Variants in EDIL3 observed in about 807,000 individuals in gnomAD.
The protein encoded by EDIL3 is EGF-like repeat and discoidin I-like domain-containing protein 3.
EDIL3 carries 37 observed loss-of-function variants against 67.4 expected under a neutral mutation model. That is an observed-to-expected ratio of 0.55 (90% CI 0.42 to 0.72). The LOEUF (loss-of-function observed/expected upper bound fraction) is 0.72. Ranked by LOEUF, EDIL3 falls within the 30% of genes least tolerant of loss-of-function variation. EDIL3 has a pLI of 0.00. For synonymous variants in EDIL3, 195 were observed against 196.3 expected, an observed-to-expected ratio of 0.99 and a Z score of 0.05; for missense variants, 527 against 586.3, an observed-to-expected ratio of 0.90 and a Z score of 1.04.
chr5:84,178,869 G>T (rs528402477), intron 4 of EDIL3, among the ~76,000 whole-genome samples: 1 of 152,210 alleles, frequency 6.6e-6, no homozygotes, highest in Non-Finnish European at 1.5e-5. Flanking sequence ...ATCTTGTTGT[G>T]GGGGTGGTCA....
intron 9 of EDIL3, among the ~76,000 whole-genome samples, chr5:83,985,526 T>C (rs1005056089): frequency 2.9e-4 from 44 of 152,228 alleles, no homozygotes; most frequent in Admixed American, 5.2e-4. Flanking sequence ...GCTGTTTGTA[T>C]ACTAGAGTAA....
intron 4 of EDIL3, among the ~76,000 whole-genome samples, chr5:84,178,166 G>T (rs1037658146): frequency 6.6e-6 from 1 of 152,010 alleles, no homozygotes; most frequent in African/African-American, 2.4e-5. Context: ...ATCACTTTTG[G>T]CTATTCAAAG....
At chr5:84,122,048 G>A (rs1315009062) in intron 5 of EDIL3, among the ~76,000 whole-genome samples, 4 of 151,918 alleles carry the variant, frequency 2.6e-5, no homozygotes, top group African/African-American at 7.2e-5. Context: ...TCTCCCTCTA[G>A]GATGGTTCTC....
chr5:84,355,705 G>A (rs1254200415), intron 1 of EDIL3, among the ~76,000 whole-genome samples: 1 of 152,142 alleles, frequency 6.6e-6, no homozygotes, highest in Non-Finnish European at 1.5e-5. Context: ...GAGCTTTCCT[G>A]TATGAGGTGT....
chr5:83,956,305 TG>T, intron 10 of EDIL3, among the ~76,000 whole-genome samples: 1 of 151,704 alleles, frequency 6.6e-6, no homozygotes, highest in Non-Finnish European at 1.5e-5. Context: ...AACATGGAAA[TG>T]GAAGCATAAT....
chr5:84,068,103 G>C (rs1746675138), intron 6 of EDIL3, among the ~76,000 whole-genome samples: 1 of 152,138 alleles, frequency 6.6e-6, no homozygotes. Context: ...GTCCTTTAAA[G>C]ATTGATTTTG....
intron 3 of EDIL3, among the ~76,000 whole-genome samples, chr5:84,194,896 C>A (rs1280732260): frequency 6.6e-6 from 1 of 151,826 alleles, no homozygotes; most frequent in Non-Finnish European, 1.5e-5. Context: ...CATTTTAGAT[C>A]CCCTCAGTTT....
chr5:84,208,074 G>C (rs934291014), intron 3 of EDIL3, among the ~76,000 whole-genome samples: 2 of 151,530 alleles, frequency 1.3e-5, no homozygotes, highest in African/African-American at 4.8e-5. Flanking sequence ...AAGAGCTTCT[G>C]CACAGCAAAA....
chr5:84,024,235 T>C (rs370331616), intron 9 of EDIL3, among the ~76,000 whole-genome samples: 2 of 152,316 alleles, frequency 1.3e-5, no homozygotes, highest in Admixed American at 6.5e-5. Flanking sequence ...AAATATTCTT[T>C]GTTCATTAAA....
chr5:83,986,102 C>T (rs1726110753), intron 9 of EDIL3, among the ~76,000 whole-genome samples: 1 of 151,948 alleles, frequency 6.6e-6, no homozygotes, highest in African/African-American at 2.4e-5. Flanking sequence ...AGCATGTATA[C>T]AAAGTGTTCA....
At chr5:84,196,712 GATCAAA>G (rs1743717405) in intron 3 of EDIL3, among the ~76,000 whole-genome samples, 2 of 151,828 alleles carry the variant, frequency 1.3e-5, no homozygotes, top group African/African-American at 4.8e-5. Flanking sequence ...ATTCAATATC[GATCAAA>G]ATCTGGAATT....
chr5:84,209,184 A>T (rs1312744376), intron 3 of EDIL3, among the ~76,000 whole-genome samples: 2 of 149,726 alleles, frequency 1.3e-5, no homozygotes, highest in Admixed American at 6.6e-5. Context: ...ATGAGAACAC[A>T]TGGACACAGG....
chr5:84,132,058 C>A (rs1747975602), intron 5 of EDIL3, among the ~76,000 whole-genome samples: 2 of 150,528 alleles, frequency 1.3e-5, no homozygotes, highest in South Asian at 4.2e-4. Flanking sequence ...TATGGTGAAA[C>A]CCCGTCTCTA....
At chr5:84,334,410 T>C (rs1159474207) in intron 1 of EDIL3, among the ~76,000 whole-genome samples, 1 of 152,060 alleles carries the variant, frequency 6.6e-6, no homozygotes, top group African/African-American at 2.4e-5. Flanking sequence ...ACTGAAAAAA[T>C]GAAAAGTTTG....
chr5:84,020,017 T>G (rs1745682412), intron 9 of EDIL3, among the ~76,000 whole-genome samples: 1 of 149,284 alleles, frequency 6.7e-6, no homozygotes, highest in African/African-American at 2.5e-5. Context: ...CAATTAATGG[T>G]CCTTTCCTAA....
intron 1 of EDIL3, among the ~76,000 whole-genome samples, chr5:84,358,475 A>G (rs188730701): frequency 2.7e-4 from 41 of 150,282 alleles, no homozygotes; most frequent in African/African-American, 9.8e-4. Context: ...GTTATGTATG[A>G]TTTTTGGAAG....
At chr5:84,035,216 G>A (rs933669023) in intron 9 of EDIL3, among the ~76,000 whole-genome samples, 1 of 151,942 alleles carries the variant, frequency 6.6e-6, no homozygotes, top group African/African-American at 2.4e-5. Flanking sequence ...CAACTTTAGC[G>A]GTACCAGGGA....
At chr5:83,947,365 GTGTC>G (rs202054502) in intron 10 of EDIL3, among the ~76,000 whole-genome samples, 6,444 of 105,944 alleles carry the variant, frequency 0.061, 139 homozygotes, top group Admixed American at 0.076. Flanking sequence ...GTCTGTGTCT[GTGTC>G]TGTGTGTGTG....
chr5:83,986,205 G>A (rs955455302), intron 9 of EDIL3, among the ~76,000 whole-genome samples: 4 of 151,980 alleles, frequency 2.6e-5, no homozygotes, highest in African/African-American at 7.2e-5. Flanking sequence ...TTAAAAGAGC[G>A]CAGTCATCAA....
Sources: allele counts gnomAD v4.1 joint callset (sites outside exome capture counted in the v4.1 genomes callset), GRCh38; gene constraint gnomAD v4.1.1; transcripts MANE v1.5; gene names NCBI Gene and HGNC (gene_info 2026-07-23, HGNC 2026-07-21).